Variants in CYP27B1 observed in about 807,000 individuals in gnomAD.
The protein encoded by CYP27B1 is cytochrome P450 family 27 subfamily B member 1, also known as 25-hydroxyvitamin D-1 alpha hydroxylase, mitochondrial.
In CYP27B1, 46 loss-of-function variants were observed where a neutral mutation model predicts 54.8. That is an observed-to-expected ratio of 0.84 (90% CI 0.66 to 1.07). The LOEUF is 1.07. CYP27B1 is among the 50% of genes least tolerant of loss of function. The pLI is 0.00. For missense variants in CYP27B1, 674 were observed against 692.2 expected, an observed-to-expected ratio of 0.97 and a Z score of 0.30; for synonymous variants, 292 against 297.3, an observed-to-expected ratio of 0.98 and a Z score of 0.18.
In CYP27B1 at chr12:57,764,476, C is replaced by G. The variant is rs1293578624; in HGVS notation, c.1038G>C (p.Glu346Asp). 6.2e-7 allele frequency: 1 copy of G among 1,614,220 alleles called. No individual in the cohort carries two copies. The highest frequency in any genetic ancestry group is 8.5e-7 in the Non-Finnish European group (1 of 1,180,044). ...HPEVQTALHS[E>D]ITAALSPGSS... is the part of the protein sequence containing the mutation. ...AGCCAGGGCTCAGGGCAGCTGTGAT[C>G]TCTGAGTGGAGTGCTGTCTGGACTT... The change falls in exon 6 of 9, where the codon GAG (glutamate) becomes GAC (aspartate). Residue 346 changes from glutamate to aspartate, a missense_variant. Glu to Asp is a conservative substitution (Grantham distance 45, BLOSUM62 2). Coordinates refer to ENST00000228606, the MANE Select transcript of CYP27B1 (RefSeq NM_000785.4).
intron 5 of CYP27B1, 93 bp from the exon 6 acceptor site, chr12:57,764,643 G>A (rs1431516011): frequency 6.3e-7 from 1 of 1,592,158 alleles, no homozygotes; most frequent in African/African-American, 1.3e-5. Flanking sequence ...AGGGTGCTAA[G>A]CCAAGCTGGT....
Position 57,765,396 on chromosome 12 carries a change from C to T in CYP27B1, c.490G>A (p.Asp164Asn). The T allele has an allele frequency of 6.2e-7, 1 of 1,613,284 alleles. No individual in the cohort carries two copies. Among genetic ancestry groups the T allele is most frequent in the Non-Finnish European group, 8.5e-7 (1 of 1,179,714 alleles). Residue 164 changes from aspartate (D) to asparagine (N), a missense_variant, in exon 3 of 9, where the codon GAC (aspartate) becomes AAC (asparagine). Coordinates refer to ENST00000228606, the MANE Select transcript of CYP27B1 (RefSeq NM_000785.4). This position sits in a 1 kb window ranked among gnomAD's most constrained non-coding sequence, Gnocchi z 5.8. ...TGGCGCCTCAGACGCCGCACAAGGT[C>T]GCAGACTACGTTGTTCAGGGTTCCG... ...YAGTLNNVVC[D>N]LVRRLRRQRG...
intron 6 of CYP27B1, 63 bp from the exon 7 acceptor site, chr12:57,764,239 A>G (rs1955340409): frequency 6.4e-7 from 1 of 1,567,880 alleles, no homozygotes; most frequent in Non-Finnish European, 8.8e-7. Flanking sequence ...CCCCCTTCTC[A>G]TTGTTTCCAA....
chr12:57,765,949 C>T lies in CYP27B1; in HGVS notation c.386+58G>A, dbSNP rs1323699409. ...CCCCCAGATTGATAGTTTCGGGACC[C>T]GCAGCAGGAGAGGGCCGCTGCAGGG... On this transcript the variant is annotated intron_variant, in intron 2 of 8. Transcript: ENST00000228606. This position sits in a 1 kb window ranked among gnomAD's most constrained non-coding sequence, Gnocchi z 5.8. 1.6e-5 allele frequency: 23 copies of T among 1,480,360 alleles called. 1 individual carries two copies. The South Asian group carries it at 2.2e-4, about 14-fold the overall frequency. 91.7% of individuals were successfully genotyped at this position (1,480,360 alleles called of 1,614,324 possible). A position where few individuals can be genotyped will look rare whatever the true frequency, so the allele number is the denominator to read the frequency against.
chr12:57,766,877 C>G lies in CYP27B1; in HGVS notation c.165G>C (p.Lys55Asn). Residue 55 changes from lysine (K) to asparagine (N), a missense_variant, in exon 1 of 9, where the codon AAG becomes AAC. Coordinates refer to ENST00000228606, the MANE Select transcript of CYP27B1 (RefSeq NM_000785.4). The part of the protein sequence containing the change: ...TPSFLAELFC[K>N]GGLSRLHELQ... ...GCTCGTGTAGCCTCGACAGCCCCCC[C>G]TTGCAGAAAAGTTCGGCCAGAAAGC... 3 of 1,614,216 alleles carry G rather than the reference C, an allele frequency of 1.9e-6. No individual in the cohort carries two copies. Among genetic ancestry groups the G allele is most frequent in the Non-Finnish European group, 8.5e-7 (1 of 1,180,024 alleles).
At position 57,765,034 on chromosome 12, in the gene CYP27B1, T is replaced by C; in HGVS notation, c.767A>G (p.Asp256Gly). 1 of 1,613,850 alleles carries C rather than the reference T, an allele frequency of 6.2e-7. No homozygotes were observed. Among genetic ancestry groups the C allele is most frequent in the African/African-American group, 1.3e-5 (1 of 75,070 alleles). ...VPGPWGRLCR[D>G]WDQMFAFAQR... is the part of the protein sequence containing the mutation. ...ACCAAATGCAAACATCTGGTCCCAGTCTCGGCAGAGGCGGCCCCAGGGCCC... is the reference window on the plus strand; with the variant it reads ...ACCAAATGCAAACATCTGGTCCCAGCCTCGGCAGAGGCGGCCCCAGGGCCC... Residue 256 changes from aspartate to glycine, a missense_variant, in exon 4 of 9, where the codon GAC becomes GGC. Physicochemically the swap from Asp to Gly is moderately conservative, Grantham distance 94. Coordinates refer to ENST00000228606, the MANE Select transcript of CYP27B1 (RefSeq NM_000785.4). This position sits in a 1 kb window ranked among gnomAD's most constrained non-coding sequence, Gnocchi z 5.8.
In CYP27B1 at chr12:57,766,112, AC is replaced by A; in HGVS notation, c.280del (p.Val94SerfsTer65). The A allele has an allele frequency of 6.5e-7, 1 of 1,546,384 alleles. No homozygotes were observed. The highest frequency in any genetic ancestry group is 1.9e-5 in the Admixed American group (1 of 51,432). On this transcript the variant is annotated frameshift_variant, in exon 2 of 9. Transcript: ENST00000228606. LOFTEE classifies it high-confidence loss of function. ...TCCCTCCTGTCGCAGCAGCTCCTCG[AC>A]GAGTGCAGGGGCAGCCACGTACACG... ...RTVYVAAPAL[V>X]EELLRQEGPR... is the part of the protein sequence containing the mutation.
At chr12:57,763,873 T>C in intron 7 of CYP27B1, 65 bp from the exon 8 acceptor site, 3 of 1,507,814 alleles carry the variant, frequency 2.0e-6, no homozygotes, top group Non-Finnish European at 2.8e-6. Flanking sequence ...AAGAAGAGGA[T>C]ATTCAGACAG....
Position 57,765,360 on chromosome 12 carries a change from C to A in CYP27B1, c.526G>T (p.Gly176Cys). 1 of 1,613,416 alleles carries A rather than the reference C, an allele frequency of 6.2e-7. No individual in the cohort carries two copies. ...VRRLRRQRGRGTGPPALVRDV... is the reference protein window; with the variant it reads ...VRRLRRQRGRCTGPPALVRDV... Reference sequence around the variant, plus strand: ...CGAACCAGGGCGGGCGGCCCCGTGCCACGTCCCCGCTGGCGCCTCAGACGC... The same window carrying A: ...CGAACCAGGGCGGGCGGCCCCGTGCAACGTCCCCGCTGGCGCCTCAGACGC... The change falls in exon 3 of 9, where the codon GGC (glycine) becomes TGC (cysteine). Residue 176 changes from glycine to cysteine, a missense_variant. Gly to Cys is a radical substitution (Grantham distance 159, BLOSUM62 -3). Coordinates refer to ENST00000228606, the MANE Select transcript of CYP27B1 (RefSeq NM_000785.4). This position sits in a 1 kb window ranked among gnomAD's most constrained non-coding sequence, Gnocchi z 5.8.
In CYP27B1 at chr12:57,766,205, A is replaced by G; in HGVS notation, c.196-8T>C. On this transcript the variant is annotated splice_region_variant and splice_polypyrimidine_tract_variant and intron_variant, in intron 1 of 8. Transcript: ENST00000228606. ...GTGCGCGGCGCCCTGCACCTGGGGG[A>G]GCGGACACAGCGGACACTTGGATAC... The G allele has an allele frequency of 6.6e-7, 1 of 1,524,968 alleles. No homozygotes were observed. The highest frequency in any genetic ancestry group is 8.8e-7 in the Non-Finnish European group (1 of 1,134,484). The allele number at this position is 1,524,968 out of a possible 1,614,324, so 94.5% of individuals were successfully genotyped here. A position where few individuals can be genotyped will look rare whatever the true frequency, so the allele number is the denominator to read the frequency against.
chr12:57,766,325 TA>T, intron 1 of CYP27B1, 128 bp from the exon 2 acceptor site: 1 of 1,260,980 alleles, frequency 7.9e-7, no homozygotes, highest in South Asian at 1.7e-5. Context: ...GGTGCCCAAC[TA>T]GTGTATGCCT....
At chr12:57,764,651 G>C in intron 5 of CYP27B1, 101 bp from the exon 6 acceptor site, 1 of 1,589,732 alleles carries the variant, frequency 6.3e-7, no homozygotes, top group Non-Finnish European at 8.6e-7. Context: ...AAGCCAAGCT[G>C]GTCTACGTGG....
At chr12:57,766,453 G>C (rs1955361608) in intron 1 of CYP27B1, 1 of 563,896 alleles carries the variant, frequency 1.8e-6, no homozygotes, top group Non-Finnish European at 3.1e-6. Flanking sequence ...CATCTCGGTC[G>C]AGGAGAAATC....
rs772209037 is a variant in CYP27B1 at position 57,765,460 on chromosome 12, G to A, written c.426C>T (p.Ala142=). ...EEWQRLRSLL[A]PLLLRPQAAA... ...CCGCTTGAGGCCGGAGGAGGAGCGGGGCCAGGAGACTGCGGAGCCTTTGCC... is the reference window on the plus strand; with the variant it reads ...CCGCTTGAGGCCGGAGGAGGAGCGGAGCCAGGAGACTGCGGAGCCTTTGCC... Residue 142 remains alanine, a synonymous_variant, in exon 3 of 9, where the codon GCC becomes GCT. Coordinates refer to ENST00000228606, the MANE Select transcript of CYP27B1 (RefSeq NM_000785.4). This position sits in a 1 kb window ranked among gnomAD's most constrained non-coding sequence, Gnocchi z 5.8. 1.2e-6 allele frequency: 2 copies of A among 1,612,748 alleles called. No individual in the cohort carries two copies. Among genetic ancestry groups the A allele is most frequent in the South Asian group, 2.2e-5 (2 of 90,724 alleles).
In CYP27B1 at chr12:57,765,553, A is replaced by G. The variant is rs1195098789; in HGVS notation, c.387-54T>C. ...GGGAAGGTGGGGACGGCTCGACGGG[A>G]CTGGCTGCAGTGAAGGAGCGCGTTC... On this transcript the variant is annotated intron_variant, in intron 2 of 8. Transcript: ENST00000228606. The surrounding 1 kb of genome is among the most constrained non-coding windows in gnomAD (Gnocchi z 5.8). 2 of 1,548,906 alleles carry G rather than the reference A, an allele frequency of 1.3e-6. No homozygotes were observed. The highest frequency in any genetic ancestry group is 1.8e-6 in the Non-Finnish European group (2 of 1,138,114).
intron 1 of CYP27B1, 189 bp from the exon 2 acceptor site, chr12:57,766,386 A>G (rs1439088166): frequency 3.7e-6 from 3 of 805,438 alleles, no homozygotes; most frequent in Non-Finnish European, 5.5e-6. Context: ...AGAAAGTTTG[A>G]GTGTGATGGG....
chr12:57,762,712 G>GCTTA lies in CYP27B1; in HGVS notation c.*426_*429dup, dbSNP rs1175279188. 1 of 263,278 alleles carries GCTTA rather than the reference G, an allele frequency of 3.8e-6. No individual in the cohort carries two copies. Among genetic ancestry groups the GCTTA allele is most frequent in the Non-Finnish European group, 7.5e-6 (1 of 133,330 alleles). The allele number at this position is 263,278 out of a possible 1,614,324, so 16.3% of individuals were successfully genotyped here. A position where few individuals can be genotyped will look rare whatever the true frequency, so the allele number is the denominator to read the frequency against. ...AAGGCTTCACCCTTCCTCTCAAAGAGCTTACATGCAAAGACGAAGGACCAA... is the reference window on the plus strand; with the variant it reads ...AAGGCTTCACCCTTCCTCTCAAAGAGCTTACTTACATGCAAAGACGAAGGACCAA... On this transcript the variant is annotated 3_prime_UTR_variant, in exon 9 of 9. Coordinates refer to ENST00000228606, the MANE Select transcript of CYP27B1 (RefSeq NM_000785.4).
Position 57,765,598 on chromosome 12 carries a change from G to T in CYP27B1, c.387-99C>A. The stretch of plus-strand genomic sequence containing the variant: ...GCGTTCGGCTGCGGTGGCCAGGAGA[G>T]GGATTGCGTCTGCCCCCTTGGGGTA... On this transcript the variant is annotated intron_variant, in intron 2 of 8. Coordinates refer to ENST00000228606, the MANE Select transcript of CYP27B1 (RefSeq NM_000785.4). The surrounding 1 kb of genome is among the most constrained non-coding windows in gnomAD (Gnocchi z 5.8). The T allele has an allele frequency of 2.3e-6, 3 of 1,290,648 alleles. No individual in the cohort carries two copies. Among genetic ancestry groups the T allele is most frequent in the Non-Finnish European group, 3.3e-6 (3 of 908,404 alleles). The allele number at this position is 1,290,648 out of a possible 1,614,324, so 79.9% of individuals were successfully genotyped here. A position where few individuals can be genotyped will look rare whatever the true frequency, so the allele number is the denominator to read the frequency against.
intron 7 of CYP27B1, 56 bp from the exon 8 acceptor site, chr12:57,763,864 A>G: frequency 6.4e-7 from 1 of 1,551,876 alleles, no homozygotes; most frequent in Non-Finnish European, 8.9e-7. Flanking sequence ...GCAGGCATGA[A>G]GAAGAGGATA....
Sources: allele counts gnomAD v4.1 joint callset, GRCh38; gene constraint gnomAD v4.1.1; non-coding constraint Gnocchi (gnomAD v3.1); transcripts MANE v1.5; gene names NCBI Gene and HGNC (gene_info 2026-07-23, HGNC 2026-07-21).